Variants in PSMA7 observed in about 807,000 individuals in gnomAD.
PSMA7 encodes proteasome 20S subunit alpha 7, also known as proteasome subunit alpha type-7.
A neutral mutation model predicts 31.3 loss-of-function variants in PSMA7; 5 were observed. The ratio of observed to expected loss-of-function variants is 0.16; its 90% CI spans 0.08 to 0.34. The LOEUF (loss-of-function observed/expected upper bound fraction) is 0.34, where lower values mean the gene tolerates loss of function less well. Among genes scored for constraint, PSMA7 ranks in the 10% least tolerant of loss-of-function variants. The pLI is 1.00. For synonymous variants in PSMA7, 155 were observed against 121.9 expected (o/e 1.27, Z -1.79); for missense variants, 217 against 327.5 (o/e 0.66, Z 2.60).
Position 62,140,428 on chromosome 20 carries a change from T to C in PSMA7, c.223+390A>G, listed in dbSNP as rs564371043. Among the ~76,000 whole-genome samples the C allele has an allele frequency of 5.9e-5, 9 of 152,348 alleles. No individual in the cohort carries two copies. In the South Asian group the frequency reaches 1.9e-3, roughly 32 times the overall value. On this transcript the variant is annotated intron_variant, in intron 2 of 6. Transcript: ENST00000370873. ...ACAGCGCTGAGAACATGGCGAGGCA[T>C]GGCCTGCATCCACCAGTGTGGTCCT...
chr20:62,137,071 C>A, intron 6 of PSMA7, 122 bp from the exon 7 acceptor site: 1 of 1,367,946 alleles, frequency 7.3e-7, no homozygotes, highest in South Asian at 1.3e-5. Context: ...GGAGAGGAAC[C>A]TCAAGAAAAA....
rs756687835 is a variant in PSMA7, at chr20:62,143,229, G to A, written c.75C>T (p.Ala25=). The change falls in exon 1 of 7, where the codon GCC becomes GCT. Residue 25 remains alanine, a synonymous_variant. Coordinates refer to ENST00000370873, the MANE Select transcript of PSMA7 (RefSeq NM_002792.4). ...TCACCGCGGTCGAGCCCTTCTTGAC[G>A]GCCTCCTGCGCGTACTCCACTTGGA... is the stretch of plus-strand genomic sequence containing the variant. ...HLFQVEYAQE[A]VKKGSTAVGV... The A allele has an allele frequency of 5.5e-6, 8 of 1,448,798 alleles. No homozygotes were observed. In the East Asian group the frequency reaches 2.6e-4, roughly 47 times the overall value. 89.7% of individuals were successfully genotyped at this position (1,448,798 alleles called of 1,614,324 possible).
At chr20:62,142,572 T>G (rs2056939566) in intron 1 of PSMA7, 1 of 152,154 alleles carries the variant, frequency 6.6e-6, no homozygotes, top group South Asian at 2.1e-4. Context: ...AACGGCCGCG[T>G]CCAAACCAGT....
rs574478058 is a variant in PSMA7, at chr20:62,138,860, G to T, written c.471+215C>A. On this transcript the variant is annotated intron_variant, in intron 4 of 6. Coordinates refer to ENST00000370873, the MANE Select transcript of PSMA7 (RefSeq NM_002792.4). ...GGCGTGAGTCACCACGCCCACCCAAGAATTTTAATTTATGTGGACTACGCT... is the reference window on the plus strand; with the variant it reads ...GGCGTGAGTCACCACGCCCACCCAATAATTTTAATTTATGTGGACTACGCT... Among the ~76,000 whole-genome samples, 9 of 152,262 alleles carry T rather than the reference G, an allele frequency of 5.9e-5. No individual in the cohort carries two copies. The South Asian group carries it at 1.2e-3, about 21-fold the overall frequency.
chr20:62,143,346 A>G lies in PSMA7; in HGVS notation c.-43T>C, dbSNP rs1204446408. 4 of 1,265,366 alleles carry G rather than the reference A, an allele frequency of 3.2e-6. No homozygotes were observed. The highest frequency in any genetic ancestry group is 4.1e-6 in the Non-Finnish European group (4 of 964,952). The allele number at this position is 1,265,366 out of a possible 1,614,324, so 78.4% of individuals were successfully genotyped here. The stretch of plus-strand genomic sequence containing the variant: ...GGGCTCCTTCCGCCGCGACTCTCAA[A>G]AGCGCACACTCACGGCCCGCGCGCA... On this transcript the variant is annotated 5_prime_UTR_variant, in exon 1 of 7. Coordinates refer to ENST00000370873, the MANE Select transcript of PSMA7 (RefSeq NM_002792.4).
At chr20:62,138,810 G>A (rs1266211773) in intron 4 of PSMA7, among the ~76,000 whole-genome samples, 4 of 152,120 alleles carry the variant, frequency 2.6e-5, no homozygotes, top group Non-Finnish European at 4.4e-5. Context: ...CAACTGCCTC[G>A]GCCTCCCAAA....
intron 2 of PSMA7, 148 bp from the exon 3 acceptor site, chr20:62,140,053 C>T (rs1568726385): frequency 8.9e-7 from 1 of 1,118,376 alleles, no homozygotes; most frequent in Non-Finnish European, 1.2e-6. Flanking sequence ...AACCTATCAG[C>T]CCCTGGGAAC....
At position 62,143,277 on chromosome 20, in the gene PSMA7, G is replaced by C; in HGVS notation, c.27C>G (p.Val9=). 5 of 1,474,428 alleles carry C rather than the reference G, an allele frequency of 3.4e-6. No individual in the cohort carries two copies. The South Asian group carries it at 4.8e-5, about 14-fold the overall frequency. 91.3% of individuals were successfully genotyped at this position (1,474,428 alleles called of 1,614,324 possible). MSYDRAIT[V]FSPDGHLFQV... ...GGAAGAGGTGGCCGTCGGGCGAGAAGACGGTGATGGCGCGGTCGTAGCTCA... is the reference window on the plus strand; with the variant it reads ...GGAAGAGGTGGCCGTCGGGCGAGAACACGGTGATGGCGCGGTCGTAGCTCA... Residue 9 remains valine, a synonymous_variant, in exon 1 of 7, where the codon GTC becomes GTG. Transcript: ENST00000370873.
chr20:62,138,152 A>C lies in PSMA7; in HGVS notation c.591+19T>G. Reference sequence around the variant, plus strand: ...GTGGTATCTTCACCACCTTGCCTGGATTCCAAATGCAAACTTACTTCCAGG... The same window carrying C: ...GTGGTATCTTCACCACCTTGCCTGGCTTCCAAATGCAAACTTACTTCCAGG... On this transcript the variant is annotated intron_variant, in intron 5 of 6. Coordinates refer to ENST00000370873, the MANE Select transcript of PSMA7 (RefSeq NM_002792.4). 1 of 1,614,126 alleles carries C rather than the reference A, an allele frequency of 6.2e-7. No individual in the cohort carries two copies. The highest frequency in any genetic ancestry group is 8.5e-7 in the Non-Finnish European group (1 of 1,179,946).
intron 5 of PSMA7, among the ~76,000 whole-genome samples, chr20:62,137,694 G>A (rs1378411051): frequency 1.3e-5 from 2 of 152,150 alleles, no homozygotes; most frequent in African/African-American, 2.4e-5. Flanking sequence ...TTGACACAGT[G>A]GTTACAACCA....
intron 2 of PSMA7, 84 bp downstream of exon 2, chr20:62,140,734 G>A: frequency 6.7e-7 from 1 of 1,502,524 alleles, no homozygotes; most frequent in Non-Finnish European, 9.1e-7. Flanking sequence ...GCTCACAATA[G>A]CCCACACACC....
chr20:62,142,547 C>A (rs1013891492), intron 1 of PSMA7: 1 of 152,236 alleles, frequency 6.6e-6, no homozygotes, highest in African/African-American at 2.4e-5. Context: ...TGTACACGAG[C>A]CCTCGTCAAA....
At chr20:62,138,108 T>C (rs1369053851) in intron 5 of PSMA7, 63 bp downstream of exon 5, 13 of 1,610,348 alleles carry the variant, frequency 8.1e-6, no homozygotes, top group Non-Finnish European at 1.1e-5. Flanking sequence ...CTCATCTACC[T>C]ACCACTCACC....
At chr20:62,141,417 T>G (rs912792520) in intron 1 of PSMA7, among the ~76,000 whole-genome samples, 3 of 152,222 alleles carry the variant, frequency 2.0e-5, no homozygotes, top group African/African-American at 7.2e-5. Context: ...TACTTGTCTG[T>G]CACTGTGGCT....
At chr20:62,137,798 A>G (rs1232064783) in intron 5 of PSMA7, among the ~76,000 whole-genome samples, 1 of 152,132 alleles carries the variant, frequency 6.6e-6, no homozygotes, top group Admixed American at 6.5e-5. Context: ...AAGCCCAACC[A>G]TATCTCCAGT....
At chr20:62,140,664 G>A (rs1375535105) in intron 2 of PSMA7, among the ~76,000 whole-genome samples, 154 bp downstream of exon 2, 1 of 152,202 alleles carries the variant, frequency 6.6e-6, no homozygotes, top group African/African-American at 2.4e-5. Flanking sequence ...AAAGAAACTA[G>A]CCAACTTAAA....
In PSMA7 at chr20:62,138,209, C is replaced by A; in HGVS notation, c.553G>T (p.Asp185Tyr). ...TTGATCACCAGCTTAATGGTCAGAT[C>A]ATCTGTTTCAATGGCTTCGTCAGTA... is the stretch of plus-strand genomic sequence containing the variant. ...NYTDEAIETD[D>Y]LTIKLVIKAL... Residue 185 changes from aspartate to tyrosine, a missense_variant, in exon 5 of 7, where the codon GAT becomes TAT. Asp to Tyr is a radical substitution (Grantham distance 160, BLOSUM62 -3). This residue lies in a region of PSMA7 where 88 missense variants were observed against 111.6 expected (regional missense o/e 0.79). Transcript: ENST00000370873. 6.2e-7 allele frequency: 1 copy of A among 1,614,232 alleles called. No homozygotes were observed. Among genetic ancestry groups the A allele is most frequent in the South Asian group, 1.1e-5 (1 of 91,082 alleles).
chr20:62,139,057 C>G lies in PSMA7; in HGVS notation c.471+18G>C. 1 of 1,612,722 alleles carries G rather than the reference C, an allele frequency of 6.2e-7. No individual in the cohort carries two copies. Among genetic ancestry groups the G allele is most frequent in the African/African-American group, 1.3e-5 (1 of 75,016 alleles). On this transcript the variant is annotated intron_variant, in intron 4 of 6. Coordinates refer to ENST00000370873, the MANE Select transcript of PSMA7 (RefSeq NM_002792.4). ...TTTTCTGGCAAGACTGTCCAAAGCC[C>G]CTTTGTCACGAACTCACCTTCCAGG... is the stretch of plus-strand genomic sequence containing the variant.
In PSMA7 at chr20:62,139,193, T is replaced by C; in HGVS notation, c.353A>G (p.Tyr118Cys). The C allele has an allele frequency of 6.2e-7, 1 of 1,613,760 alleles. No individual in the cohort carries two copies. Among genetic ancestry groups the C allele is most frequent in the Non-Finnish European group, 8.5e-7 (1 of 1,179,796 alleles). ...CGGCCTGCGCCCATTGCTCTGCGTA[T>C]AACGCTAGCAAGAAAAGAAACAGGT... ...TRYIASLKQR[Y>C]TQSNGRRPFG... The change falls in exon 4 of 7, where the codon TAT becomes TGT. Residue 118 changes from tyrosine to cysteine, a missense_variant. Physicochemically the swap from Tyr to Cys is radical, Grantham distance 194. Coordinates refer to ENST00000370873, the MANE Select transcript of PSMA7 (RefSeq NM_002792.4).
Sources: gnomAD v4.1 joint callset for allele counts (sites outside exome capture counted in the v4.1 genomes callset) on GRCh38, gnomAD v4.1.1 for gene constraint, gnomAD v4.1.1 regional missense constraint, MANE v1.5 for transcripts, NCBI Gene and HGNC (gene_info 2026-07-23, HGNC 2026-07-21) for gene names.